Variants in IMMP2L observed in about 807,000 individuals in gnomAD.
IMMP2L encodes inner mitochondrial membrane peptidase subunit 2, also known as mitochondrial inner membrane protease subunit 2.
A neutral mutation model predicts 19.3 loss-of-function variants in IMMP2L; 18 were observed. The observed-to-expected ratio is 0.93, with a 90% CI of 0.64 to 1.38. The LOEUF is 1.38. IMMP2L is among the 40% of genes most tolerant of loss of function. IMMP2L has a pLI of 0.00. For missense variants in IMMP2L, 233 were observed against 218.2 expected (o/e 1.07, Z -0.43); for synonymous variants, 76 against 73.0 (o/e 1.04, Z -0.21).
chr7:111,211,131 C>A (rs994119455), intron 3 of IMMP2L, among the ~76,000 whole-genome samples: 2 of 152,070 alleles, frequency 1.3e-5, no homozygotes, highest in African/African-American at 4.8e-5. Flanking sequence ...ACTATAAATA[C>A]TTCAAGGAAA....
intron 4 of IMMP2L, among the ~76,000 whole-genome samples, chr7:110,949,576 C>T (rs1334145134): frequency 6.6e-6 from 1 of 152,050 alleles, no homozygotes; most frequent in African/African-American, 2.4e-5. Context: ...TGTACATAAA[C>T]TTTTATTGGG....
intron 5 of IMMP2L, among the ~76,000 whole-genome samples, chr7:110,719,777 G>A (rs1477210331): frequency 6.6e-6 from 1 of 152,066 alleles, no homozygotes; most frequent in African/African-American, 2.4e-5. Flanking sequence ...GTCAATTCAG[G>A]CCCTGTTACA....
At chr7:111,427,475 A>G (rs1186967449) in intron 3 of IMMP2L, among the ~76,000 whole-genome samples, 1 of 151,724 alleles carries the variant, frequency 6.6e-6, no homozygotes, top group African/African-American at 2.4e-5. Flanking sequence ...TAAATAGAAA[A>G]CCTGATTTCA....
intron 1 of IMMP2L, among the ~76,000 whole-genome samples, chr7:111,534,277 T>C (rs1299426563): frequency 1.3e-5 from 2 of 152,090 alleles, no homozygotes; most frequent in Non-Finnish European, 1.5e-5. Flanking sequence ...TTCACAAATA[T>C]GTAAATAAAT....
chr7:111,556,014 G>GTGTATATATATATATATATATATATA, intron 1 of IMMP2L, among the ~76,000 whole-genome samples: 1 of 114,570 alleles, frequency 8.7e-6, no homozygotes, highest in Non-Finnish European at 1.7e-5. Flanking sequence ...TCTTCTGTGT[G>GTGTATATATATATATATATATATATA]CATGTATATA....
At chr7:111,466,585 G>A (rs1840692965) in intron 3 of IMMP2L, among the ~76,000 whole-genome samples, 1 of 152,120 alleles carries the variant, frequency 6.6e-6, no homozygotes, top group Non-Finnish European at 1.5e-5. Context: ...GCCCTGAGAT[G>A]TAGTTATGTA....
intron 5 of IMMP2L, among the ~76,000 whole-genome samples, chr7:110,738,452 C>A (rs1018455054): frequency 9.9e-5 from 15 of 152,130 alleles, no homozygotes; most frequent in African/African-American, 2.9e-4. Context: ...ATCCATCAAA[C>A]AAGCAGAAAG....
At chr7:111,128,102 A>C (rs1801492444) in intron 3 of IMMP2L, among the ~76,000 whole-genome samples, 1 of 152,152 alleles carries the variant, frequency 6.6e-6, no homozygotes, top group South Asian at 2.1e-4. Flanking sequence ...TTAGACAAAA[A>C]GTTTTTAAGT....
intron 3 of IMMP2L, among the ~76,000 whole-genome samples, chr7:111,293,627 CA>C (rs1381380801): frequency 4.6e-5 from 7 of 151,730 alleles, no homozygotes; most frequent in Non-Finnish European, 1.0e-4. Context: ...CAATGTGGTT[CA>C]AAAAACTTTC....
chr7:111,369,442 C>CTT (rs1830077130), intron 3 of IMMP2L, among the ~76,000 whole-genome samples: 1 of 151,818 alleles, frequency 6.6e-6, no homozygotes, highest in Non-Finnish European at 1.5e-5. Context: ...TTTCAATTTT[C>CTT]ATGAAAGGGC....
intron 5 of IMMP2L, among the ~76,000 whole-genome samples, chr7:110,795,279 C>T (rs1258956545): frequency 6.6e-6 from 1 of 152,002 alleles, no homozygotes; most frequent in Non-Finnish European, 1.5e-5. Flanking sequence ...GTTTTCCTAG[C>T]TGTTGACTCA....
intron 3 of IMMP2L, among the ~76,000 whole-genome samples, chr7:111,046,017 C>G (rs960403116): frequency 1.3e-5 from 2 of 151,730 alleles, no homozygotes; most frequent in African/African-American, 4.8e-5. Context: ...AGGAGAAATA[C>G]TCACTAGATA....
rs1260963034 is a variant in IMMP2L at position 111,097,492 on chromosome 7, AC to A, written c.240-133928del. On this transcript the variant is annotated intron_variant, in intron 3 of 5. Coordinates refer to ENST00000405709, the MANE Select transcript of IMMP2L (RefSeq NM_032549.4). ...TTTAGAGGATTCATTCCTTGGGGTA[AC>A]ATTTGTTCTATAATTTATAGTCTCA... Among the ~76,000 whole-genome samples the A allele has an allele frequency of 3.3e-5, 5 of 151,918 alleles. No individual in the cohort carries two copies. In the East Asian group the frequency reaches 9.6e-4, roughly 29 times the overall value.
chr7:110,727,554 T>C lies in IMMP2L; in HGVS notation c.409-63833A>G, dbSNP rs1386173061. On this transcript the variant is annotated intron_variant, in intron 5 of 5. Coordinates refer to ENST00000405709, the MANE Select transcript of IMMP2L (RefSeq NM_032549.4). The surrounding 1 kb of genome is among the most constrained non-coding windows in gnomAD (Gnocchi z 4.3). ...AACCAGTAAGAGTCAGAAACTGATG[T>C]TAGCAAATTGAAGGTAGAGGAGAAG... 1.3e-5 allele frequency among the ~76,000 whole-genome samples: 2 copies of C among 152,192 alleles called. No individual in the cohort carries two copies. Among genetic ancestry groups the C allele is most frequent in the Admixed American group, 6.5e-5 (1 of 15,278 alleles).
chr7:111,045,943 G>C lies in IMMP2L; in HGVS notation c.240-82378C>G, dbSNP rs561993106. Among the ~76,000 whole-genome samples the C allele has an allele frequency of 2.6e-4, 39 of 151,846 alleles. No homozygotes were observed. The South Asian group carries it at 7.5e-3, about 29-fold the overall frequency. On this transcript the variant is annotated intron_variant, in intron 3 of 5. Coordinates refer to ENST00000405709, the MANE Select transcript of IMMP2L (RefSeq NM_032549.4). ...ACCTCCCACCCAAGATAAAAATACAGAACAAAATTATGAAACATCTTTTAA... is the reference window on the plus strand; with the variant it reads ...ACCTCCCACCCAAGATAAAAATACACAACAAAATTATGAAACATCTTTTAA...
At chr7:110,782,507 A>G (rs1385706512) in intron 5 of IMMP2L, among the ~76,000 whole-genome samples, 1 of 151,872 alleles carries the variant, frequency 6.6e-6, no homozygotes, top group Non-Finnish European at 1.5e-5. Context: ...TCTATGAACC[A>G]CATTAGTCCT....
chr7:111,235,466 C>T lies in IMMP2L; in HGVS notation c.239+251772G>A, dbSNP rs548235108. On this transcript the variant is annotated intron_variant, in intron 3 of 5. Coordinates refer to ENST00000405709, the MANE Select transcript of IMMP2L (RefSeq NM_032549.4). ...AGCCTGGGTAACAAGAGCGAAACTC[C>T]GTCTAAAAAAAAAAAAAAATTCCAC... 3.3e-5 allele frequency among the ~76,000 whole-genome samples: 5 copies of T among 149,618 alleles called. No homozygotes were observed. In the South Asian group the frequency reaches 8.4e-4, roughly 25 times the overall value.
At chr7:111,470,588 T>C (rs1405653720) in intron 3 of IMMP2L, among the ~76,000 whole-genome samples, 3 of 151,092 alleles carry the variant, frequency 2.0e-5, no homozygotes, top group Admixed American at 1.3e-4. Flanking sequence ...ATGGATGAAA[T>C]TGGAAATCAT....
At chr7:110,928,663 T>C (rs1170086869) in intron 4 of IMMP2L, among the ~76,000 whole-genome samples, 2 of 151,986 alleles carry the variant, frequency 1.3e-5, no homozygotes, top group African/African-American at 2.4e-5. Flanking sequence ...TCCCAGCACA[T>C]GCCTTTTGGA....
Sources: allele counts gnomAD v4.1 joint callset (sites outside exome capture counted in the v4.1 genomes callset), GRCh38; gene constraint gnomAD v4.1.1; non-coding constraint Gnocchi (gnomAD v3.1); transcripts MANE v1.5; gene names NCBI Gene and HGNC (gene_info 2026-07-23, HGNC 2026-07-21).